SKAP2: variants seen among roughly 807,000 people sequenced by gnomAD.
SKAP2 encodes src kinase-associated phosphoprotein 2.
In SKAP2, 28 loss-of-function variants were observed where a neutral mutation model predicts 54.9. The observed-to-expected ratio is 0.51, with a 90% confidence interval of 0.38 to 0.70. The LOEUF (loss-of-function observed/expected upper bound fraction) is 0.70. SKAP2 is among the 30% of genes least tolerant of loss of function. The pLI, the probability that SKAP2 is intolerant of heterozygous loss-of-function variation, is 0.00. For synonymous variants in SKAP2, 137 were observed against 134.3 expected, an observed-to-expected ratio of 1.02 and a Z score of -0.14; for missense variants, 356 against 424.1, an observed-to-expected ratio of 0.84 and a Z score of 1.41.
At chr7:26,683,531 T>TGGAAGGAA (rs1419399209) in intron 11 of SKAP2, among the ~76,000 whole-genome samples, 1 of 91,118 alleles carries the variant, frequency 1.1e-5, no homozygotes, top group Non-Finnish European at 2.1e-5. Flanking sequence ...TTATGATGGA[T>TGGAAGGAA]GGATGGAAGG....
intron 11 of SKAP2, among the ~76,000 whole-genome samples, chr7:26,682,396 T>C (rs896252413): frequency 6.6e-6 from 1 of 152,148 alleles, no homozygotes; most frequent in Admixed American, 6.5e-5. Flanking sequence ...GCCCAGAATA[T>C]GTCCAAATCT....
intron 1 of SKAP2, chr7:26,857,467 C>A: frequency 1.0e-6 from 1 of 985,288 alleles, no homozygotes; most frequent in Non-Finnish European, 1.2e-6. Flanking sequence ...CTTTTAGAAT[C>A]GAATGAAACC....
At chr7:26,726,661 A>C in intron 7 of SKAP2, 1 of 370,630 alleles carries the variant, frequency 2.7e-6, no homozygotes, top group Non-Finnish European at 4.8e-6. Context: ...TTGATAAATT[A>C]TATATTCTCT....
intron 4 of SKAP2, among the ~76,000 whole-genome samples, chr7:26,830,461 C>T (rs933334233): frequency 6.6e-6 from 1 of 152,098 alleles, no homozygotes; most frequent in Non-Finnish European, 1.5e-5. Context: ...CTAGACCCTA[C>T]CCCTAAACTG....
intron 4 of SKAP2, among the ~76,000 whole-genome samples, chr7:26,764,088 GA>G (rs1452884718): frequency 2.0e-5 from 3 of 152,092 alleles, no homozygotes; most frequent in Non-Finnish European, 4.4e-5. Context: ...TGACAAAGAT[GA>G]AAGCTAGACA....
At chr7:26,808,754 A>G (rs1043371890) in intron 4 of SKAP2, among the ~76,000 whole-genome samples, 1 of 152,226 alleles carries the variant, frequency 6.6e-6, no homozygotes, top group East Asian at 1.9e-4. Flanking sequence ...TAATTTCTTC[A>G]TGTACAAAAT....
intron 4 of SKAP2, among the ~76,000 whole-genome samples, chr7:26,834,571 A>G (rs977204325): frequency 5.9e-5 from 9 of 152,196 alleles, no homozygotes; most frequent in African/African-American, 2.2e-4. Context: ...AAACACCTCT[A>G]TGCAAATAAA....
chr7:26,664,020 T>G (rs10231663), downstream of SKAP2, among the ~76,000 whole-genome samples: 5,509 of 152,260 alleles, frequency 0.036, 337 homozygotes, highest in African/African-American at 0.13. Context: ...TTCAGATTAT[T>G]TTCTAGAAAT....
chr7:26,815,351 G>C (rs1784243887), intron 4 of SKAP2, among the ~76,000 whole-genome samples: 1 of 152,054 alleles, frequency 6.6e-6, no homozygotes. Flanking sequence ...ACAGAGAATA[G>C]AATCTCAAGG....
At position 26,679,982 on chromosome 7, in the gene SKAP2, C is replaced by T. The variant is rs546068593; in HGVS notation, c.987+4754G>A. On this transcript the variant is annotated intron_variant, in intron 11 of 12. Coordinates refer to ENST00000345317, the MANE Select transcript of SKAP2 (RefSeq NM_003930.5). ...CTTAACCTACATTTCCTGTGTTTGA[C>T]TTAATAAAAAGTTTCTCAAAGGCTG... 2.0e-5 allele frequency among the ~76,000 whole-genome samples: 3 copies of T among 152,248 alleles called. No individual in the cohort carries two copies. In the East Asian group the frequency reaches 5.8e-4, roughly 29 times the overall value.
intron 4 of SKAP2, among the ~76,000 whole-genome samples, chr7:26,750,428 A>T (rs1256884712): frequency 6.7e-6 from 1 of 150,126 alleles, no homozygotes; most frequent in East Asian, 2.0e-4. Context: ...TCCCTGTCTC[A>T]GTCTCCCAAG....
At chr7:26,675,964 G>T (rs1786341644) in intron 11 of SKAP2, among the ~76,000 whole-genome samples, 1 of 152,196 alleles carries the variant, frequency 6.6e-6, no homozygotes, top group African/African-American at 2.4e-5. Context: ...TAACTTACTT[G>T]TAAGCACTGA....
At chr7:26,781,980 T>C (rs976806745) in intron 4 of SKAP2, among the ~76,000 whole-genome samples, 27 of 152,324 alleles carry the variant, frequency 1.8e-4, no homozygotes, top group Middle Eastern at 3.4e-3. Context: ...ACCTCTCCTT[T>C]ATAGGATGAG....
At chr7:26,679,006 AT>A (rs149737642) in intron 11 of SKAP2, among the ~76,000 whole-genome samples, 4,061 of 152,282 alleles carry the variant, frequency 0.027, 69 homozygotes, top group African/African-American at 0.045. Flanking sequence ...ATTAAAAAAA[AT>A]ATCAACGTAG....
chr7:26,789,147 T>C lies in SKAP2; in HGVS notation c.308-49183A>G, dbSNP rs922740330. 3.9e-5 allele frequency among the ~76,000 whole-genome samples: 6 copies of C among 152,300 alleles called. No individual in the cohort carries two copies. In the East Asian group the frequency reaches 1.2e-3, roughly 29 times the overall value. ...TTTAATTTGGAAAGTAGGAAAACATTCTTTTTCCATTATAGTAATATATTC... is the reference window on the plus strand; with the variant it reads ...TTTAATTTGGAAAGTAGGAAAACATCCTTTTTCCATTATAGTAATATATTC... On this transcript the variant is annotated intron_variant, in intron 4 of 12. Transcript: ENST00000345317.
intron 4 of SKAP2, among the ~76,000 whole-genome samples, chr7:26,785,023 T>C (rs1781627242): frequency 6.6e-6 from 1 of 152,178 alleles, no homozygotes; most frequent in African/African-American, 2.4e-5. Context: ...GAGGCACATC[T>C]GGAAATTTTC....
rs1047615675 is a variant in SKAP2, at chr7:26,669,098, G to A, written c.*568C>T. Reference sequence around the variant, plus strand: ...AACTTCATCATTTTTTCTTTCTTGCGGCTGTACTTAATAGGAATTAAATGT... The same window carrying A: ...AACTTCATCATTTTTTCTTTCTTGCAGCTGTACTTAATAGGAATTAAATGT... On this transcript the variant is annotated 3_prime_UTR_variant, in exon 13 of 13. Coordinates refer to ENST00000345317, the MANE Select transcript of SKAP2 (RefSeq NM_003930.5). 3.3e-5 allele frequency: 5 copies of A among 151,830 alleles called. No homozygotes were observed. The highest frequency in any genetic ancestry group is 7.3e-5 in the African/African-American group (3 of 41,300). The allele number at this position is 151,830 out of a possible 1,614,324, so 9.4% of individuals were successfully genotyped here. A position where few individuals can be genotyped will look rare whatever the true frequency, so the allele number is the denominator to read the frequency against.
At chr7:26,789,002 A>C (rs1014102632) in intron 4 of SKAP2, among the ~76,000 whole-genome samples, 5 of 152,202 alleles carry the variant, frequency 3.3e-5, no homozygotes, top group Admixed American at 3.3e-4. Flanking sequence ...AATGCCACAA[A>C]ATGGCAGCAG....
intron 3 of SKAP2, among the ~76,000 whole-genome samples, chr7:26,848,719 C>T (rs1784977569): frequency 6.6e-6 from 1 of 152,062 alleles, no homozygotes; most frequent in Non-Finnish European, 1.5e-5. Context: ...GTTCACTTGT[C>T]TAATTTTTCA....
Sources: allele counts gnomAD v4.1 joint callset (sites outside exome capture counted in the v4.1 genomes callset), GRCh38; gene constraint gnomAD v4.1.1; transcripts MANE v1.5; gene names NCBI Gene and HGNC (gene_info 2026-07-23, HGNC 2026-07-21).